Variants in ITGA8 observed in about 807,000 individuals in gnomAD.
ITGA8 encodes integrin subunit alpha 8.
A neutral mutation model predicts 142.3 loss-of-function variants in ITGA8; 91 were observed. The ratio of observed to expected loss-of-function variants is 0.64; its 90% CI spans 0.54 to 0.76. The LOEUF (loss-of-function observed/expected upper bound fraction) is 0.76, where lower values mean the gene tolerates loss of function less well. Among genes scored for constraint, ITGA8 ranks in the 30% least tolerant of loss-of-function variants. The pLI is 0.00. For missense variants in ITGA8, 1,406 were observed against 1,327.7 expected, an observed-to-expected ratio of 1.06 and a Z score of -0.92; for synonymous variants, 505 against 485.2, an observed-to-expected ratio of 1.04 and a Z score of -0.54.
intron 8 of ITGA8, among the ~76,000 whole-genome samples, chr10:15,664,803 G>A (rs923045340): frequency 8.6e-5 from 13 of 152,002 alleles, no homozygotes; most frequent in African/African-American, 3.1e-4. Context: ...TGCTGAGAAT[G>A]ATGGTTTCCA....
intron 13 of ITGA8, among the ~76,000 whole-genome samples, chr10:15,624,150 G>A (rs1817443996): frequency 6.6e-6 from 1 of 152,182 alleles, no homozygotes; most frequent in South Asian, 2.1e-4. Flanking sequence ...AGCAGTTTGT[G>A]CATCAACAGG....
At chr10:15,552,237 C>T (rs751801391) in intron 26 of ITGA8, among the ~76,000 whole-genome samples, 2 of 151,928 alleles carry the variant, frequency 1.3e-5, no homozygotes, top group Non-Finnish European at 2.9e-5. Flanking sequence ...CCCGGGTTCA[C>T]GCCATTCTCC....
intron 2 of ITGA8, among the ~76,000 whole-genome samples, chr10:15,694,675 C>T (rs1258537392): frequency 1.7e-3 from 21 of 12,688 alleles, no homozygotes; most frequent in Non-Finnish European, 1.6e-3. Context: ...CTATATTTGT[C>T]GACATATATA....
Position 15,669,312 on chromosome 10 carries a change from G to A in ITGA8, c.847+2291C>T, listed in dbSNP as rs184522996. On this transcript the variant is annotated intron_variant, in intron 8 of 29. Transcript: ENST00000378076. ...ACCCTTTCTTCCAGTTGATTGCGTC[G>A]GCTACTGAGGCTTCTGCATTTGTCA... Among the ~76,000 whole-genome samples, 317 of 152,006 alleles carry A rather than the reference G, an allele frequency of 2.1e-3. 1 individual carries two copies. The highest frequency in any genetic ancestry group is 3.4e-3 in the Middle Eastern group (1 of 292).
intron 2 of ITGA8, among the ~76,000 whole-genome samples, chr10:15,699,942 A>C (rs1439207217): frequency 6.6e-6 from 1 of 152,084 alleles, no homozygotes; most frequent in Non-Finnish European, 1.5e-5. Context: ...TTTGTGGACC[A>C]TTCACTTTTT....
chr10:15,703,873 A>G (rs373624997), intron 2 of ITGA8, among the ~76,000 whole-genome samples: 97 of 152,030 alleles, frequency 6.4e-4, no homozygotes, highest in African/African-American at 2.1e-3. Context: ...CCATTGATTC[A>G]AGCACATGAG....
At chr10:15,687,017 A>G (rs1377821247) in intron 3 of ITGA8, among the ~76,000 whole-genome samples, 1 of 152,208 alleles carries the variant, frequency 6.6e-6, no homozygotes, top group African/African-American at 2.4e-5. Context: ...CACCTTAAAA[A>G]GTTCTTACAA....
At chr10:15,644,432 T>C (rs553311140) in intron 12 of ITGA8, among the ~76,000 whole-genome samples, 45 of 79,558 alleles carry the variant, frequency 5.7e-4, no homozygotes, top group Non-Finnish European at 1.0e-3. Context: ...CATGTCAGGC[T>C]AATATATATA....
chr10:15,698,830 G>T (rs2131723758), intron 2 of ITGA8, among the ~76,000 whole-genome samples: 1 of 152,322 alleles, frequency 6.6e-6, no homozygotes, highest in Middle Eastern at 3.4e-3. Context: ...CAGATGTATA[G>T]ATTGTGAAGA....
At chr10:15,606,021 C>T (rs1833188917) in intron 18 of ITGA8, among the ~76,000 whole-genome samples, 1 of 152,158 alleles carries the variant, frequency 6.6e-6, no homozygotes, top group Non-Finnish European at 1.5e-5. Context: ...TGCAACTCTG[C>T]CTATGGCTTG....
chr10:15,628,159 C>G (rs539651350), intron 13 of ITGA8, among the ~76,000 whole-genome samples: 9 of 151,970 alleles, frequency 5.9e-5, no homozygotes, highest in African/African-American at 1.2e-4. Context: ...AGAAAACTTA[C>G]GAATAATCCA....
intron 25 of ITGA8, among the ~76,000 whole-genome samples, chr10:15,568,922 AG>A (rs1163272561): frequency 1.3e-5 from 2 of 152,242 alleles, no homozygotes; most frequent in Non-Finnish European, 2.9e-5. Context: ...AGGGATTCTC[AG>A]GGCATATTTG....
intron 21 of ITGA8, among the ~76,000 whole-genome samples, chr10:15,593,099 AC>A (rs1257820480): frequency 2.0e-4 from 31 of 152,206 alleles, no homozygotes; most frequent in Non-Finnish European, 3.7e-4. Context: ...AAATTCCTCT[AC>A]AGTACAGGAG....
intron 22 of ITGA8, among the ~76,000 whole-genome samples, chr10:15,588,283 C>T (rs1832867233): frequency 6.6e-6 from 1 of 152,140 alleles, no homozygotes; most frequent in Non-Finnish European, 1.5e-5. Flanking sequence ...GATAAGACAA[C>T]TTAAACTGCA....
At chr10:15,627,040 C>T (rs775161217) in intron 13 of ITGA8, among the ~76,000 whole-genome samples, 4 of 152,128 alleles carry the variant, frequency 2.6e-5, no homozygotes, top group Admixed American at 6.5e-5. Context: ...TATTGAACTT[C>T]CAGCATGAGC....
At chr10:15,581,525 G>A (rs1248127909) in intron 23 of ITGA8, among the ~76,000 whole-genome samples, 1 of 152,106 alleles carries the variant, frequency 6.6e-6, no homozygotes, top group African/African-American at 2.4e-5. Context: ...GACCCTGAGG[G>A]TGGTTTTGGG....
At chr10:15,611,367 G>A (rs2131614261) in intron 15 of ITGA8, 1 of 152,124 alleles carries the variant, frequency 6.6e-6, no homozygotes, top group Admixed American at 6.5e-5. Context: ...ATATACATTT[G>A]TCCACATAAC....
rs1316992866 is a variant in ITGA8 at position 15,517,173 on chromosome 10, C to G, written c.3177G>C (p.Lys1059Asn). 3.7e-6 allele frequency: 6 copies of G among 1,612,618 alleles called. No homozygotes were observed. In the South Asian group the frequency reaches 6.6e-5, roughly 18 times the overall value. ...TTTTTTCTTGTCATGCCTCAGGGGTCTTGTCATTTGTCAGCTGTTCCCTGT... is the reference window on the plus strand; with the variant it reads ...TTTTTTCTTGTCATGCCTCAGGGGTGTTGTCATTTGTCAGCTGTTCCCTGT... Reference protein sequence around the residue: ...MTDREQLTNDKTPEA With the variant: ...MTDREQLTNDNTPEA Residue 1059 changes from lysine (K) to asparagine (N), a missense_variant, in exon 30 of 30, where the codon AAG (lysine) becomes AAC (asparagine). Physicochemically the swap from Lys to Asn is moderately conservative, Grantham distance 94. Transcript: ENST00000378076.
chr10:15,684,735 C>G (rs1020378002), intron 3 of ITGA8, among the ~76,000 whole-genome samples: 1 of 151,866 alleles, frequency 6.6e-6, no homozygotes, highest in African/African-American at 2.4e-5. Flanking sequence ...TTCCTAAAAG[C>G]GAATAACTCA....
Sources: allele counts gnomAD v4.1 joint callset (sites outside exome capture counted in the v4.1 genomes callset), GRCh38; gene constraint gnomAD v4.1.1; transcripts MANE v1.5; gene names NCBI Gene and HGNC (gene_info 2026-07-23, HGNC 2026-07-21).